The following CHD5 variants were observed in gnomAD, a reference collection of about 807,000 sequenced individuals.
CHD5 encodes the protein ATP-dependent chromatin remodeler CHD5.
Under a neutral mutation model 230.3 loss-of-function variants are expected in CHD5, and 69 were observed. That is an observed-to-expected ratio of 0.30 (90% CI 0.25 to 0.37). The LOEUF (loss-of-function observed/expected upper bound fraction) is 0.37, where lower values mean the gene tolerates loss of function less well. Ranked by LOEUF, CHD5 falls within the 10% of genes least tolerant of loss-of-function variation. The probability of loss-of-function intolerance (pLI) is 1.00; values close to 1 mark genes in which losing one functional copy is unlikely to be tolerated. For synonymous variants in CHD5, 1,064 were observed against 1,065.9 expected, an observed-to-expected ratio of 1.00 and a Z score of 0.03; for missense variants, 1,827 against 2,622.8, an observed-to-expected ratio of 0.70 and a Z score of 6.63.
At position 6,129,100 on chromosome 1, in the gene CHD5, C is replaced by T. The variant is rs1275070297; in HGVS notation, c.3388-31G>A. 1.3e-6 allele frequency: 2 copies of T among 1,521,586 alleles called. No homozygotes were observed. The highest frequency in any genetic ancestry group is 9.0e-7 in the Non-Finnish European group (1 of 1,109,698). 94.3% of individuals were successfully genotyped at this position (1,521,586 alleles called of 1,614,324 possible). A position where few individuals can be genotyped will look rare whatever the true frequency, so the allele number is the denominator to read the frequency against. On this transcript the variant is annotated intron_variant, in intron 22 of 41. Transcript: ENST00000262450. This position sits in a 1 kb window ranked among gnomAD's most constrained non-coding sequence, Gnocchi z 6.8. Reference sequence around the variant, plus strand: ...GAGACCTGCACCTCAGCACCCGTGGCTCACCCAGGGCTCCAGGCAATGGAG... The same window carrying T: ...GAGACCTGCACCTCAGCACCCGTGGTTCACCCAGGGCTCCAGGCAATGGAG...
rs1030692441 is a variant in CHD5 at position 6,146,967 on chromosome 1, T to A, written c.1384-96A>T. On this transcript the variant is annotated intron_variant, in intron 9 of 41. Transcript: ENST00000262450. This position sits in a 1 kb window ranked among gnomAD's most constrained non-coding sequence, Gnocchi z 5.1. Reference sequence around the variant, plus strand: ...AGGCTGCCATGCAGGCTCCCTCCCATCAGTGCCACTGCCCCCAAGTCAGAA... The same window carrying A: ...AGGCTGCCATGCAGGCTCCCTCCCAACAGTGCCACTGCCCCCAAGTCAGAA... 3 of 921,490 alleles carry A rather than the reference T, an allele frequency of 3.3e-6. No homozygotes were observed. The highest frequency in any genetic ancestry group is 4.8e-6 in the Non-Finnish European group (3 of 628,498). 57.1% of individuals were successfully genotyped at this position (921,490 alleles called of 1,614,324 possible).
At chr1:6,171,346 C>T (rs183940762) in intron 1 of CHD5, among the ~76,000 whole-genome samples, 1 of 152,314 alleles carries the variant, frequency 6.6e-6, no homozygotes, top group East Asian at 1.9e-4. Flanking sequence ...AGCCCAGGGC[C>T]TCTGCCTGGT....
chr1:6,138,554 T>C (rs2785584), intron 15 of CHD5, among the ~76,000 whole-genome samples: 41,676 of 152,130 alleles, frequency 0.27, 6,290 homozygotes, highest in African/African-American at 0.39. Flanking sequence ...CCCACATGCC[T>C]GTGAGAGAGC....
chr1:6,133,619 A>G (rs569826239), intron 20 of CHD5, among the ~76,000 whole-genome samples: 1 of 152,256 alleles, frequency 6.6e-6, no homozygotes, highest in Non-Finnish European at 1.5e-5. Context: ...CAGCTTGAGG[A>G]CAGGGACTAG....
At chr1:6,172,937 A>G (rs1434644808) in intron 1 of CHD5, among the ~76,000 whole-genome samples, 2 of 152,006 alleles carry the variant, frequency 1.3e-5, no homozygotes, top group Non-Finnish European at 2.9e-5. Context: ...GTGACTGTGG[A>G]GCGAAAGTTA....
intron 1 of CHD5, among the ~76,000 whole-genome samples, chr1:6,173,694 G>A (rs1426261938): frequency 1.3e-5 from 2 of 152,190 alleles, no homozygotes; most frequent in African/African-American, 2.4e-5. Flanking sequence ...AGAGCCCAGC[G>A]AGACCCAGGA....
Position 6,124,797 on chromosome 1 carries a change from G to A in CHD5, c.4395-136C>T, listed in dbSNP as rs1055373826. The A allele has an allele frequency of 7.2e-6, 5 of 694,862 alleles. No homozygotes were observed. The Admixed American group carries it at 8.3e-5, about 12-fold the overall frequency. 43.0% of individuals were successfully genotyped at this position (694,862 alleles called of 1,614,324 possible). On this transcript the variant is annotated intron_variant, in intron 29 of 41. Transcript: ENST00000262450. ...CACCTCCTAGTCAGGCCTGGGCCAG[G>A]CCCGGGAAAGGACAGAGAGGGCCTC...
Position 6,136,862 on chromosome 1 carries a change from C to G in CHD5, c.2440G>C (p.Glu814Gln). 6.2e-7 allele frequency: 1 copy of G among 1,606,006 alleles called. No homozygotes were observed. Among genetic ancestry groups the G allele is most frequent in the East Asian group, 2.2e-5 (1 of 44,678 alleles). ...AGCACGTGGAATTTGATCTGCACTT[C>G]TTTCTGGAGAAAAGAGGGGCATTGG... ...SGKKVFRMKK[E>Q]VQIKFHVLLT... Residue 814 changes from glutamate to glutamine, a missense_variant, in exon 16 of 42, where the codon GAA becomes CAA. Transcript: ENST00000262450.
At chr1:6,166,272 G>A (rs1462676161) in intron 2 of CHD5, among the ~76,000 whole-genome samples, 8 of 141,266 alleles carry the variant, frequency 5.7e-5, no homozygotes, top group South Asian at 2.3e-4. Context: ...AAAGCAGGTG[G>A]GGGTCGGGGG....
chr1:6,119,781 G>A (rs1387192682), intron 33 of CHD5, among the ~76,000 whole-genome samples: 1 of 148,260 alleles, frequency 6.7e-6, no homozygotes, highest in South Asian at 2.1e-4. Flanking sequence ...GTACATATGT[G>A]CGTATATACG....
intron 33 of CHD5, among the ~76,000 whole-genome samples, chr1:6,115,187 G>T (rs1282194237): frequency 6.6e-6 from 1 of 151,764 alleles, no homozygotes; most frequent in South Asian, 2.1e-4. Flanking sequence ...TTAGCCGGGC[G>T]TGGTGGCGGG....
chr1:6,162,000 T>C (rs572423306), intron 2 of CHD5, among the ~76,000 whole-genome samples: 8 of 152,332 alleles, frequency 5.3e-5, no homozygotes, highest in Non-Finnish European at 1.0e-4. Flanking sequence ...GCCTGAGACT[T>C]GGCCAAGTCA....
chr1:6,148,100 C>T (rs979512095), intron 9 of CHD5, among the ~76,000 whole-genome samples: 9 of 152,270 alleles, frequency 5.9e-5, no homozygotes, highest in Middle Eastern at 3.4e-3. Flanking sequence ...GACAAGTATG[C>T]GCACGGATGC....
chr1:6,154,666 C>T lies in CHD5; in HGVS notation c.739G>A (p.Gly247Ser), dbSNP rs1321689876. The T allele has an allele frequency of 1.9e-6, 3 of 1,559,384 alleles. No homozygotes were observed. The highest frequency in any genetic ancestry group is 2.6e-6 in the Non-Finnish European group (3 of 1,150,934). ...VPIRKAKTKEGKGPGVRKKIK... is the reference protein window; with the variant it reads ...VPIRKAKTKESKGPGVRKKIK... Reference sequence around the variant, plus strand: ...CACCCAACCCCAGCCTTACCTTTGCCCTCCTTGGTCTTGGCCTTGCGGATA... The same window carrying T: ...CACCCAACCCCAGCCTTACCTTTGCTCTCCTTGGTCTTGGCCTTGCGGATA... Residue 247 changes from glycine to serine, a missense_variant, in exon 5 of 42, where the codon GGC becomes AGC. Transcript: ENST00000262450. This position sits in a 1 kb window ranked among gnomAD's most constrained non-coding sequence, Gnocchi z 7.0.
Position 6,125,757 on chromosome 1 carries a change from G to A in CHD5, c.4171+9C>T, listed in dbSNP as rs367934115. The stretch of plus-strand genomic sequence containing the variant: ...AGCAGTAGCCCAGACCACTAACACT[G>A]AGACTCACTCTGCCCTTCCGGCCTC... On this transcript the variant is annotated intron_variant, in intron 27 of 41. Transcript: ENST00000262450. This position sits in a 1 kb window ranked among gnomAD's most constrained non-coding sequence, Gnocchi z 6.7. 56 of 1,610,134 alleles carry A rather than the reference G, an allele frequency of 3.5e-5. No homozygotes were observed. The highest frequency in any genetic ancestry group is 4.4e-5 in the Non-Finnish European group (52 of 1,176,582).
chr1:6,150,520 G>A (rs1296606923), intron 7 of CHD5, among the ~76,000 whole-genome samples: 4 of 148,594 alleles, frequency 2.7e-5, no homozygotes, highest in African/African-American at 9.9e-5. Flanking sequence ...ATGGATGGAT[G>A]GATGGTGGAT....
Position 6,121,668 on chromosome 1 carries a change from G to T in CHD5, c.4700-95C>A. ...GGCAGAGAGGAGAGATGGGGGCTTG[G>T]CCTTCGGGAGGCTCCACTGCAGCCA... On this transcript the variant is annotated intron_variant, in intron 31 of 41. Coordinates refer to ENST00000262450, the MANE Select transcript of CHD5 (RefSeq NM_015557.3). The surrounding 1 kb of genome is among the most constrained non-coding windows in gnomAD (Gnocchi z 4.5). The T allele has an allele frequency of 1.2e-6, 1 of 815,050 alleles. No homozygotes were observed. The highest frequency in any genetic ancestry group is 2.7e-5 in the East Asian group (1 of 37,638). 50.5% of individuals were successfully genotyped at this position (815,050 alleles called of 1,614,324 possible). A position where few individuals can be genotyped will look rare whatever the true frequency, so the allele number is the denominator to read the frequency against.
intron 1 of CHD5, among the ~76,000 whole-genome samples, chr1:6,174,614 G>A (rs963982829): frequency 1.3e-5 from 2 of 151,558 alleles, no homozygotes; most frequent in East Asian, 1.9e-4. Context: ...ATGGACGAAT[G>A]GATGGTGGAT....
At chr1:6,109,757 G>A (rs765007873) in intron 38 of CHD5, 38 bp downstream of exon 38, 4 of 1,570,136 alleles carry the variant, frequency 2.5e-6, no homozygotes, top group Non-Finnish European at 3.5e-6. Context: ...CAGGAGGAAG[G>A]GCGGGGGGCT....
Sources: gnomAD v4.1 joint callset for allele counts (sites outside exome capture counted in the v4.1 genomes callset) on GRCh38, gnomAD v4.1.1 for gene constraint, Gnocchi (gnomAD v3.1) non-coding constraint, MANE v1.5 for transcripts, NCBI Gene and HGNC (gene_info 2026-07-23, HGNC 2026-07-21) for gene names.